Variants in DMTF1 observed in about 807,000 individuals in gnomAD.
The protein encoded by DMTF1 is cyclin-D-binding Myb-like transcription factor 1.
A neutral mutation model predicts 91.1 loss-of-function variants in DMTF1; 39 were observed. That is an observed-to-expected ratio of 0.43 (90% CI 0.33 to 0.56). The LOEUF is 0.56. DMTF1 is among the 20% of genes least tolerant of loss of function. DMTF1 has a pLI of 0.05. For missense variants in DMTF1, 750 were observed against 914.5 expected, an observed-to-expected ratio of 0.82 and a Z score of 2.32; for synonymous variants, 338 against 309.5, an observed-to-expected ratio of 1.09 and a Z score of -0.97.
chr7:87,166,291 T>C (rs11983560), intron 3 of DMTF1, among the ~76,000 whole-genome samples, 192 bp from the exon 4 acceptor site: 1,646 of 152,232 alleles, frequency 0.011, 29 homozygotes, highest in African/African-American at 0.037. Flanking sequence ...CCTTGAGGAG[T>C]TGAATACTGC....
chr7:87,177,536 T>C (rs1250944239), intron 7 of DMTF1, among the ~76,000 whole-genome samples: 1 of 152,136 alleles, frequency 6.6e-6, no homozygotes, highest in Non-Finnish European at 1.5e-5. Flanking sequence ...CTTGTCCCAA[T>C]TTAGTGGCCT....
rs200086344 is a variant in DMTF1 at position 87,157,076 on chromosome 7, TAGAA to T, written c.-132+4526_-132+4529del. On this transcript the variant is annotated intron_variant, in intron 1 of 17. Transcript: ENST00000331242. ...ATGGGTAGAAGACTTGCAAATCACA[TAGAA>T]AGAACATGAATGATTTTTCTTATAC... is the stretch of plus-strand genomic sequence containing the variant. Among the ~76,000 whole-genome samples, 1,177 of 152,184 alleles carry T rather than the reference TAGAA, an allele frequency of 7.7e-3. 10 individuals carry two copies. Among genetic ancestry groups the T allele is most frequent in the African/African-American group, 0.022 (933 of 41,552 alleles).
rs1794955988 is a variant in DMTF1, at chr7:87,171,051, G to A, written c.289G>A (p.Asp97Asn). The A allele has an allele frequency of 1.2e-6, 2 of 1,612,226 alleles. No individual in the cohort carries two copies. Among genetic ancestry groups the A allele is most frequent in the South Asian group, 2.2e-5 (2 of 90,958 alleles). Residue 97 changes from aspartate to asparagine, a missense_variant, in exon 5 of 18, where the codon GAT becomes AAT. Physicochemically the swap from Asp to Asn is conservative, Grantham distance 23 (BLOSUM62 1). Coordinates refer to ENST00000331242, the MANE Select transcript of DMTF1 (RefSeq NM_001142327.2). ...VTMTATTEVA[D>N]DEVTEGTVTQ... Reference sequence around the variant, plus strand: ...CATGACTGCAACCACAGAAGTAGCAGATGATGAGGTTACTGAGGGGACTGT... The same window carrying A: ...CATGACTGCAACCACAGAAGTAGCAAATGATGAGGTTACTGAGGGGACTGT...
chr7:87,164,812 A>G (rs1793430842), intron 2 of DMTF1, 122 bp from the exon 3 acceptor site: 2 of 455,018 alleles, frequency 4.4e-6, no homozygotes, highest in Non-Finnish European at 7.5e-6. Context: ...GCAGTTTTAC[A>G]TGAAGAACAC....
At chr7:87,193,657 A>G in intron 15 of DMTF1, 68 bp from the exon 16 acceptor site, 1 of 1,351,400 alleles carries the variant, frequency 7.4e-7, no homozygotes, top group Non-Finnish European at 1.0e-6. Context: ...ATGTGGGGGG[A>G]GACAGTGAGG....
intron 6 of DMTF1, 103 bp from the exon 7 acceptor site, chr7:87,174,490 A>C: frequency 1.3e-6 from 1 of 766,756 alleles, no homozygotes; most frequent in Non-Finnish European, 2.0e-6. Flanking sequence ...GAAATTAGCT[A>C]AATTTTATCC....
intron 3 of DMTF1, 96 bp from the exon 4 acceptor site, chr7:87,166,387 T>A (rs1793830881): frequency 3.8e-6 from 5 of 1,318,650 alleles, no homozygotes; most frequent in South Asian, 2.9e-5. Context: ...GGTAAGAAAA[T>A]TTTTTTAATA....
At chr7:87,180,037 A>G (rs1225543590) in intron 8 of DMTF1, among the ~76,000 whole-genome samples, 1 of 152,184 alleles carries the variant, frequency 6.6e-6, no homozygotes, top group East Asian at 1.9e-4. Flanking sequence ...CATTTTTCCT[A>G]TTTATTTTTA....
intron 12 of DMTF1, chr7:87,187,052 G>A (rs1279949351): frequency 6.6e-6 from 1 of 152,048 alleles, no homozygotes; most frequent in Non-Finnish European, 1.5e-5. Flanking sequence ...CTTAAGTTGG[G>A]TTTGCTTAAA....
At chr7:87,153,523 A>G (rs1027023189) in intron 1 of DMTF1, among the ~76,000 whole-genome samples, 21 of 152,190 alleles carry the variant, frequency 1.4e-4, no homozygotes, top group Non-Finnish European at 2.9e-4. Context: ...TACTCGGTGT[A>G]GATAAGGAAA....
chr7:87,155,746 C>G (rs923492447), intron 1 of DMTF1, among the ~76,000 whole-genome samples: 2 of 149,600 alleles, frequency 1.3e-5, no homozygotes, highest in South Asian at 4.3e-4. Context: ...ACCCCACCCC[C>G]GCCCCACCCA....
chr7:87,174,373 A>G (rs978125649), intron 6 of DMTF1, among the ~76,000 whole-genome samples: 1 of 152,046 alleles, frequency 6.6e-6, no homozygotes, highest in Non-Finnish European at 1.5e-5. Flanking sequence ...TTTAATTACC[A>G]TTGTCTTTTT....
At position 87,193,465 on chromosome 7, in the gene DMTF1, C is replaced by G. The variant is rs997599889; in HGVS notation, c.1650+112C>G. ...AACAGTTCTTCCTACTGCTGCTGTT[C>G]CAGGCACAGTGTTATACACCATCAC... On this transcript the variant is annotated intron_variant, in intron 15 of 17. Coordinates refer to ENST00000331242, the MANE Select transcript of DMTF1 (RefSeq NM_001142327.2). The G allele has an allele frequency of 1.8e-5, 20 of 1,123,400 alleles. No individual in the cohort carries two copies. In the African/African-American group the frequency reaches 2.2e-4, roughly 12 times the overall value. 69.6% of individuals were successfully genotyped at this position (1,123,400 alleles called of 1,614,324 possible).
At chr7:87,184,813 T>C in intron 11 of DMTF1, 188 bp downstream of exon 11, 6 of 699,200 alleles carry the variant, frequency 8.6e-6, no homozygotes, top group Non-Finnish European at 1.5e-5. Flanking sequence ...TTCCTTTTTT[T>C]TTTTAGTGGG....
chr7:87,169,450 C>A (rs1794598408), intron 4 of DMTF1, among the ~76,000 whole-genome samples: 1 of 152,086 alleles, frequency 6.6e-6, no homozygotes, highest in Non-Finnish European at 1.5e-5. Flanking sequence ...AGAACAAGAT[C>A]CTGTCAAAAA....
At chr7:87,192,173 C>T (rs992141694) in intron 14 of DMTF1, among the ~76,000 whole-genome samples, 2 of 152,026 alleles carry the variant, frequency 1.3e-5, no homozygotes, top group African/African-American at 4.8e-5. Flanking sequence ...AATATTTAGG[C>T]TTTCCCTTAA....
chr7:87,173,696 A>G, intron 6 of DMTF1, 47 bp downstream of exon 6: 1 of 1,268,782 alleles, frequency 7.9e-7, no homozygotes, highest in Non-Finnish European at 1.1e-6. Context: ...AAAAATGGAG[A>G]TAGAAAGGGC....
At chr7:87,187,975 G>T in intron 12 of DMTF1, 117 bp from the exon 13 acceptor site, 2 of 687,804 alleles carry the variant, frequency 2.9e-6, no homozygotes, top group Admixed American at 5.1e-5. Context: ...CTCACATCCA[G>T]TATGCAGTTA....
At chr7:87,159,693 T>C (rs962569055) in intron 1 of DMTF1, among the ~76,000 whole-genome samples, 12 of 152,234 alleles carry the variant, frequency 7.9e-5, no homozygotes, top group Admixed American at 6.5e-4. Context: ...ATTGAGCTGA[T>C]GTGCAGTCAT....
Sources: allele counts gnomAD v4.1 joint callset (sites outside exome capture counted in the v4.1 genomes callset), GRCh38; gene constraint gnomAD v4.1.1; transcripts MANE v1.5; gene names NCBI Gene and HGNC (gene_info 2026-07-23, HGNC 2026-07-21).